Variants in MVP observed in about 807,000 individuals in gnomAD.
The protein encoded by MVP is major vault protein.
A neutral mutation model predicts 83.5 loss-of-function variants in MVP; 62 were observed. The observed-to-expected ratio is 0.74, with a 90% CI of 0.61 to 0.92. MVP has a LOEUF of 0.92. MVP is among the 40% of genes least tolerant of loss of function. MVP has a pLI of 0.00. For synonymous variants in MVP, 505 were observed against 504.1 expected (o/e 1.00, Z -0.02); for missense variants, 1,000 against 1,203.4 (o/e 0.83, Z 2.50).
chr16:29,826,925 CAAA>C (rs779179408), intron 1 of MVP, among the ~76,000 whole-genome samples: 25 of 70,872 alleles, frequency 3.5e-4, no homozygotes, highest in African/African-American at 1.0e-3. Flanking sequence ...GAGTCCATCT[CAAA>C]AAAAAAAAAA....
chr16:29,847,084 G>T, intron 13 of MVP, 113 bp from the exon 14 acceptor site: 4 of 1,200,872 alleles, frequency 3.3e-6, no homozygotes, highest in Non-Finnish European at 4.7e-6. Context: ...CAGCTACCCA[G>T]GAGGCTGAGG....
intron 5 of MVP, chr16:29,834,448 C>A (rs371762074): frequency 3.6e-6 from 1 of 279,310 alleles, no homozygotes; most frequent in Non-Finnish European, 7.1e-6. Context: ...GTGGGTGAAT[C>A]GTCTGAGCCC....
chr16:29,846,293 G>A lies in MVP; in HGVS notation c.2265+9G>A, dbSNP rs1489298881. 1.9e-6 allele frequency: 3 copies of A among 1,553,814 alleles called. No individual in the cohort carries two copies. The highest frequency in any genetic ancestry group is 1.2e-5 in the South Asian group (1 of 84,246). ...CCTTGGCCATTGAAACGGTGAGTGGGGGGAGGCATTAAGAAGAGGGTGGCC... is the reference window on the plus strand; with the variant it reads ...CCTTGGCCATTGAAACGGTGAGTGGAGGGAGGCATTAAGAAGAGGGTGGCC... On this transcript the variant is annotated intron_variant, in intron 13 of 14. Transcript: ENST00000357402.
chr16:29,840,174 C>A lies in MVP; in HGVS notation c.910-4C>A, dbSNP rs768905446. ...CTGACCCTAACCTCACGTCTCCCCA[C>A]TAGGGAGAGAAGTCTTTTTTCCTCC... On this transcript the variant is annotated splice_polypyrimidine_tract_variant and splice_region_variant and intron_variant, in intron 7 of 14. Transcript: ENST00000357402. 9 of 1,603,936 alleles carry A rather than the reference C, an allele frequency of 5.6e-6. No individual in the cohort carries two copies. Among genetic ancestry groups the A allele is most frequent in the African/African-American group, 2.7e-5 (2 of 74,610 alleles).
In MVP at chr16:29,830,946, T is replaced by G; in HGVS notation, c.194T>G (p.Val65Gly). The G allele has an allele frequency of 6.2e-7, 1 of 1,614,038 alleles. No homozygotes were observed. The highest frequency in any genetic ancestry group is 2.2e-5 in the East Asian group (1 of 44,864). ...PRHYCTVANP[V>G]SRDAQGLVLF... ...CACTACTGCACAGTGGCCAACCCTG[T>G]GTCTCGGGATGCCCAGGGCTTGGTG... Residue 65 changes from valine (V) to glycine (G), a missense_variant, in exon 3 of 15, where the codon GTG becomes GGG. Physicochemically the swap from Val to Gly is moderately radical, Grantham distance 109. Transcript: ENST00000357402.
Position 29,847,890 on chromosome 16 carries a change from G to T in MVP, c.2583G>T (p.Arg861Ser). Reference sequence around the variant, plus strand: ...CCGAGGGTCAGCCCCTGGGCAGAAGGGTGGCCAGTGGGCCCAGCCCTGGGG... The same window carrying T: ...CCGAGGGTCAGCCCCTGGGCAGAAGTGTGGCCAGTGGGCCCAGCCCTGGGG... ...MGPEGQPLGRRVASGPSPGEG... is the reference protein window; with the variant it reads ...MGPEGQPLGRSVASGPSPGEG... Residue 861 changes from arginine (R) to serine (S), a missense_variant, in exon 15 of 15, where the codon AGG becomes AGT. Transcript: ENST00000357402. The T allele has an allele frequency of 1.2e-6, 2 of 1,614,050 alleles. No individual in the cohort carries two copies. Among genetic ancestry groups the T allele is most frequent in the Non-Finnish European group, 8.5e-7 (1 of 1,179,910 alleles).
At chr16:29,838,298 T>C (rs1186680538) in intron 7 of MVP, among the ~76,000 whole-genome samples, 2 of 152,018 alleles carry the variant, frequency 1.3e-5, no homozygotes, top group East Asian at 1.9e-4. Context: ...TAGCTGGGCA[T>C]GGTGTCAGGC....
At chr16:29,838,963 C>T (rs1458412903) in intron 7 of MVP, among the ~76,000 whole-genome samples, 1 of 151,930 alleles carries the variant, frequency 6.6e-6, no homozygotes, top group Non-Finnish European at 1.5e-5. Context: ...GAGGTGGGCA[C>T]ATCACCTGAG....
At chr16:29,835,998 A>G (rs892435393) in intron 6 of MVP, among the ~76,000 whole-genome samples, 200 bp downstream of exon 6, 4 of 151,996 alleles carry the variant, frequency 2.6e-5, no homozygotes, top group East Asian at 1.9e-4. Context: ...GGGCGCAATG[A>G]CTCACATCTG....
At chr16:29,824,710 C>T (rs913330308) in intron 1 of MVP, among the ~76,000 whole-genome samples, 1 of 151,960 alleles carries the variant, frequency 6.6e-6, no homozygotes, top group Non-Finnish European at 1.5e-5. Flanking sequence ...TGCAGTGAGC[C>T]GAGATTGTGC....
At chr16:29,827,948 C>T (rs2067415466) in intron 1 of MVP, among the ~76,000 whole-genome samples, 1 of 152,116 alleles carries the variant, frequency 6.6e-6, no homozygotes, top group Admixed American at 6.6e-5. Context: ...TCCTCAGATG[C>T]ATTAGCCACA....
At chr16:29,836,002 A>C (rs936809581) in intron 6 of MVP, among the ~76,000 whole-genome samples, 2 of 152,128 alleles carry the variant, frequency 1.3e-5, no homozygotes, top group Admixed American at 1.3e-4. Flanking sequence ...GCAATGACTC[A>C]CATCTGTAAT....
At chr16:29,823,122 CTTTTTTTTTTTT>C (rs66512916) in intron 1 of MVP, among the ~76,000 whole-genome samples, 1 of 98,484 alleles carries the variant, frequency 1.0e-5, no homozygotes, top group African/African-American at 4.3e-5. Context: ...CTTTTCTTTT[CTTTTTTTTTTTT>C]TTTTTTTTGA....
intron 1 of MVP, chr16:29,830,295 A>G (rs1170845237): frequency 5.1e-6 from 2 of 391,104 alleles, no homozygotes; most frequent in South Asian, 2.7e-5. Context: ...GGCTCACTGC[A>G]TCAAGCAGTT....
Position 29,836,689 on chromosome 16 carries a change from G to A in MVP, c.673-33G>A, listed in dbSNP as rs551749119. 2.0e-6 allele frequency: 3 copies of A among 1,504,048 alleles called. No homozygotes were observed. In the East Asian group the frequency reaches 7.1e-5, roughly 36 times the overall value. 93.2% of individuals were successfully genotyped at this position (1,504,048 alleles called of 1,614,324 possible). On this transcript the variant is annotated intron_variant, in intron 6 of 14. Transcript: ENST00000357402. ...CGCAGATCCCCTGAAGTTGGAGGCA[G>A]GTCACTCAAATACCCAACATGTTGC...
intron 3 of MVP, among the ~76,000 whole-genome samples, chr16:29,832,926 G>A (rs948763770): frequency 3.3e-5 from 5 of 151,986 alleles, no homozygotes; most frequent in Admixed American, 2.6e-4. Flanking sequence ...TTAGCCAGGC[G>A]TGGTGGCATG....
rs570000153 is a variant in MVP, at chr16:29,835,325, C to G, written c.578-379C>G. ...CTTGGGCAACATGGTGAAACACCAT[C>G]TCTACAAAAAATACAAATATTAGCC... On this transcript the variant is annotated intron_variant, in intron 5 of 14. Transcript: ENST00000357402. The G allele has an allele frequency of 1.1e-3, 182 of 161,052 alleles. 1 individual carries two copies. Among genetic ancestry groups the G allele is most frequent in the African/African-American group, 4.2e-3 (173 of 41,622 alleles). 10.0% of individuals were successfully genotyped at this position (161,052 alleles called of 1,614,324 possible).
In MVP at chr16:29,829,205, G is replaced by A. The variant is rs1026528514; in HGVS notation, c.-35-1310G>A. The stretch of plus-strand genomic sequence containing the variant: ...CACCAGACAAAAGAGGCTCCTCATC[G>A]GCCAGGTGTGATGGCTCGCCTATAA... On this transcript the variant is annotated intron_variant, in intron 1 of 14. Coordinates refer to ENST00000357402, the MANE Select transcript of MVP (RefSeq NM_005115.5). Among the ~76,000 whole-genome samples, 4 of 150,922 alleles carry A rather than the reference G, an allele frequency of 2.7e-5. No individual in the cohort carries two copies. In the Admixed American group the frequency reaches 2.7e-4, roughly 10 times the overall value.
rs982782727 is a variant in MVP at position 29,847,361 on chromosome 16, T to A, written c.2430T>A (p.Leu810=). 1.7e-5 allele frequency: 26 copies of A among 1,567,640 alleles called. No individual in the cohort carries two copies. In the Admixed American group the frequency reaches 4.0e-4, roughly 24 times the overall value. The stretch of plus-strand genomic sequence containing the variant: ...TAGGCCCCAGCACCATCAGGGACCT[T>A]GCTGTGGCTGGGCCTGAGATGCAGG... ...EAIGPSTIRD[L]AVAGPEMQVK... The change falls in exon 14 of 15, where the codon CTT becomes CTA. Residue 810 remains leucine (L), a synonymous_variant. Coordinates refer to ENST00000357402, the MANE Select transcript of MVP (RefSeq NM_005115.5).
Sources: gnomAD v4.1 joint callset for allele counts (sites outside exome capture counted in the v4.1 genomes callset) on GRCh38, gnomAD v4.1.1 for gene constraint, MANE v1.5 for transcripts, NCBI Gene and HGNC (gene_info 2026-07-23, HGNC 2026-07-21) for gene names.